The following MYO5C variants were observed in gnomAD, a reference collection of about 807,000 sequenced individuals.
The protein encoded by MYO5C is myosin VC.
Under a neutral mutation model 235.7 loss-of-function variants are expected in MYO5C, and 194 were observed. The observed-to-expected ratio is 0.82, with a 90% CI of 0.73 to 0.93. MYO5C has a LOEUF of 0.93. Ranked by LOEUF, MYO5C falls within the 40% of genes least tolerant of loss-of-function variation. The pLI is 0.00. For synonymous variants in MYO5C, 707 were observed against 754.8 expected, an observed-to-expected ratio of 0.94 and a Z score of 1.04; for missense variants, 2,038 against 2,127.2, an observed-to-expected ratio of 0.96 and a Z score of 0.82.
intron 1 of MYO5C, among the ~76,000 whole-genome samples, chr15:52,287,127 AC>A (rs2037293046): frequency 6.6e-6 from 1 of 152,122 alleles, no homozygotes. Flanking sequence ...AATCATGACT[AC>A]CCCTAAATCA....
At chr15:52,221,126 G>GT in intron 30 of MYO5C, 36 bp downstream of exon 30, 2 of 1,534,894 alleles carry the variant, frequency 1.3e-6, no homozygotes, top group South Asian at 2.3e-5. Context: ...ACAGGAAACC[G>GT]TTTTCTAAAA....
intron 32 of MYO5C, 115 bp downstream of exon 32, chr15:52,218,404 G>T: frequency 9.3e-7 from 1 of 1,071,190 alleles, no homozygotes; most frequent in Non-Finnish European, 1.3e-6. Context: ...AGACTGCTCT[G>T]ATGGAAGGAC....
Position 52,196,315 on chromosome 15 carries a change from A to G in MYO5C, c.4989T>C (p.Ala1663=). ...ACTAAGCAAGCCTGGTCACCTGCAC[A>G]GCAGACAGTGAGGTGCAGCGTTCGT... ...EIYERCTSLS[A]VQIIKILNSY... is the part of the protein sequence containing the mutation. The change falls in exon 39 of 41, where the codon GCT becomes GCC. Residue 1663 remains alanine, a synonymous_variant. Coordinates refer to ENST00000261839, the MANE Select transcript of MYO5C (RefSeq NM_018728.4). 1 of 1,608,108 alleles carries G rather than the reference A, an allele frequency of 6.2e-7. No individual in the cohort carries two copies. The highest frequency in any genetic ancestry group is 8.5e-7 in the Non-Finnish European group (1 of 1,177,770).
rs2140845988 is a variant in MYO5C, at chr15:52,272,580, T to C, written c.750A>G (p.Gln250=). The C allele has an allele frequency of 1.9e-6, 3 of 1,610,648 alleles. No homozygotes were observed. The highest frequency in any genetic ancestry group is 2.5e-6 in the Non-Finnish European group (3 of 1,179,136). Residue 250 remains glutamine, a splice_region_variant and synonymous_variant, in exon 6 of 41, where the codon CAA becomes CAG. Transcript: ENST00000261839. ...YLLEKSRVVF[Q]SENERNYHIF... ...GGGGAAAAGGAAATTTAATACTTAC[T>C]TGAAAGACAACTCTGGATTTCTCCA...
At chr15:52,211,696 G>T (rs545892244) in intron 35 of MYO5C, 34 bp downstream of exon 35, 2 of 1,603,270 alleles carry the variant, frequency 1.2e-6, no homozygotes, top group African/African-American at 1.3e-5. Flanking sequence ...CCATAGATGT[G>T]ATACCAGGGG....
chr15:52,293,312 T>G (rs2037431709), intron 1 of MYO5C, among the ~76,000 whole-genome samples: 1 of 152,102 alleles, frequency 6.6e-6, no homozygotes, highest in African/African-American at 2.4e-5. Context: ...CATTCCCCGC[T>G]GGCCTGTCCC....
intron 35 of MYO5C, 84 bp from the exon 36 acceptor site, chr15:52,208,727 T>A: frequency 1.7e-6 from 2 of 1,177,712 alleles, no homozygotes; most frequent in Non-Finnish European, 2.5e-6. Flanking sequence ...TTTGTAGCTT[T>A]TGACCAAAAT....
chr15:52,291,872 G>A (rs999174850), intron 1 of MYO5C, among the ~76,000 whole-genome samples: 6 of 150,888 alleles, frequency 4.0e-5, no homozygotes, highest in African/African-American at 1.2e-4. Context: ...CTGAGTAGCT[G>A]GGACTACAGG....
chr15:52,195,379 G>C lies in MYO5C; in HGVS notation c.5074C>G (p.Gln1692Glu). Reference protein sequence around the residue: ...RVTPSFVRKVQALLNSREDSS... With the variant: ...RVTPSFVRKVEALLNSREDSS... ...AGGCACATCCTTAAGAATCTCACCT[G>C]TACTTTGCGAACAAAGGATGGAGTC... is the stretch of plus-strand genomic sequence containing the variant. The change falls in exon 40 of 41, where the codon CAG becomes GAG. Residue 1692 changes from glutamine to glutamate, a missense_variant and splice_region_variant. Transcript: ENST00000261839. The C allele has an allele frequency of 6.2e-7, 1 of 1,607,352 alleles. No homozygotes were observed. Among genetic ancestry groups the C allele is most frequent in the Non-Finnish European group, 8.5e-7 (1 of 1,174,452 alleles).
chr15:52,271,794 T>C lies in MYO5C; in HGVS notation c.801A>G (p.Ala267=). Residue 267 remains alanine, a synonymous_variant, in exon 7 of 41, where the codon GCA becomes GCG. Coordinates refer to ENST00000261839, the MANE Select transcript of MYO5C (RefSeq NM_018728.4). ...YHIFYQLCAS[A]QQSEFKHLKL... ...TAAGATGTTTAAATTCCGACTGCTG[T>C]GCAGATGCACAAAGCTGATAGAAAA... 1 of 1,583,386 alleles carries C rather than the reference T, an allele frequency of 6.3e-7. No individual in the cohort carries two copies. Among genetic ancestry groups the C allele is most frequent in the Non-Finnish European group, 8.6e-7 (1 of 1,158,096 alleles).
chr15:52,242,326 C>G, intron 19 of MYO5C, 113 bp from the exon 20 acceptor site: 1 of 1,141,954 alleles, frequency 8.8e-7, no homozygotes, highest in South Asian at 1.5e-5. Context: ...ATATTTTACA[C>G]CTCTCCACAT....
At chr15:52,270,892 A>G (rs1211734429) in intron 7 of MYO5C, among the ~76,000 whole-genome samples, 1 of 152,158 alleles carries the variant, frequency 6.6e-6, no homozygotes, top group Admixed American at 6.5e-5. Flanking sequence ...CAACTCCAAC[A>G]TACTAGAAGT....
intron 11 of MYO5C, among the ~76,000 whole-genome samples, chr15:52,256,037 G>A (rs189057888): frequency 1.4e-3 from 214 of 152,334 alleles, no homozygotes; most frequent in Non-Finnish European, 2.9e-3. Context: ...GTTTAGTGCT[G>A]CATGTGCCGA....
chr15:52,230,532 C>T (rs2141299508), intron 24 of MYO5C, among the ~76,000 whole-genome samples: 1 of 152,096 alleles, frequency 6.6e-6, no homozygotes, highest in South Asian at 2.1e-4. Flanking sequence ...CCTCAGCCTC[C>T]CGAGTAGCTG....
chr15:52,248,803 A>C lies in MYO5C; in HGVS notation c.1663-20T>G. The C allele has an allele frequency of 6.4e-7, 1 of 1,557,650 alleles. No individual in the cohort carries two copies. The highest frequency in any genetic ancestry group is 1.1e-5 in the South Asian group (1 of 88,934). On this transcript the variant is annotated intron_variant, in intron 13 of 40. Transcript: ENST00000261839. ...CTCTACCTATACAGAGAAAGCAATT[A>C]ATTATTCCCAAAGAGGCCAAAGAAT...
At chr15:52,274,000 C>T (rs948246861) in intron 5 of MYO5C, among the ~76,000 whole-genome samples, 1 of 152,138 alleles carries the variant, frequency 6.6e-6, no homozygotes, top group Non-Finnish European at 1.5e-5. Context: ...CTCACACTCT[C>T]TGGGCAGGAT....
At chr15:52,257,292 T>G (rs1419973059) in intron 10 of MYO5C, among the ~76,000 whole-genome samples, 1 of 152,180 alleles carries the variant, frequency 6.6e-6, no homozygotes, top group Non-Finnish European at 1.5e-5. Context: ...GCACACCCCA[T>G]CAGGGACGAG....
intron 10 of MYO5C, among the ~76,000 whole-genome samples, chr15:52,258,301 C>T (rs964694659): frequency 3.9e-5 from 6 of 152,098 alleles, no homozygotes; most frequent in African/African-American, 1.4e-4. Context: ...TCAAAATCAC[C>T]CTGCAAGAGA....
At position 52,218,663 on chromosome 15, in the gene MYO5C, T is replaced by C. The variant is rs2035607935; in HGVS notation, c.3810A>G (p.Ile1270Met). 1 of 1,614,094 alleles carries C rather than the reference T, an allele frequency of 6.2e-7. No homozygotes were observed. The highest frequency in any genetic ancestry group is 1.1e-5 in the South Asian group (1 of 91,072). The stretch of plus-strand genomic sequence containing the variant: ...TCAGCTTCTCCTTCTCTTTGGTATG[T>C]ATTTCATTTTGGGCTTCCAAGGCCC... ...QRKALEAQNE[I>M]HTKEKEKLID... is the part of the protein sequence containing the mutation. The change falls in exon 32 of 41, where the codon ATA becomes ATG. Residue 1270 changes from isoleucine (I) to methionine (M), a missense_variant. By Grantham distance (10) the Ile-to-Met change is conservative. Transcript: ENST00000261839.
Sources: allele counts gnomAD v4.1 joint callset (sites outside exome capture counted in the v4.1 genomes callset), GRCh38; gene constraint gnomAD v4.1.1; transcripts MANE v1.5; gene names NCBI Gene and HGNC (gene_info 2026-07-23, HGNC 2026-07-21).